CCDC170: variants seen among roughly 807,000 people sequenced by gnomAD.
CCDC170 encodes coiled-coil domain containing 170.
A neutral mutation model predicts 72.6 loss-of-function variants in CCDC170; 69 were observed. The ratio of observed to expected loss-of-function variants is 0.95; its 90% confidence interval spans 0.78 to 1.16. The LOEUF is 1.16. Among genes scored for constraint, CCDC170 ranks in the 50% most tolerant of loss-of-function variants. The probability of loss-of-function intolerance (pLI) is 0.00; values close to 1 mark genes in which losing one functional copy is unlikely to be tolerated. For synonymous variants in CCDC170, 300 were observed against 303.9 expected (o/e 0.99, Z 0.13); for missense variants, 852 against 832.5 (o/e 1.02, Z -0.29).
intron 3 of CCDC170, among the ~76,000 whole-genome samples, chr6:151,538,876 T>G (rs1052866922): frequency 3.3e-5 from 5 of 152,220 alleles, no homozygotes; most frequent in Non-Finnish European, 7.3e-5. Flanking sequence ...TACATGGTAT[T>G]TATTTTACTT....
At position 151,546,381 on chromosome 6, in the gene CCDC170, C is replaced by T. The variant is rs188856290; in HGVS notation, c.588+1665C>T. 8.5e-5 allele frequency among the ~76,000 whole-genome samples: 13 copies of T among 152,110 alleles called. 1 individual carries two copies. Among genetic ancestry groups the T allele is most frequent in the Non-Finnish European group, 1.8e-4 (12 of 68,010 alleles). The stretch of plus-strand genomic sequence containing the variant: ...AAGGGAATTCAGAAGCTGCTTCTTC[C>T]GTGACACACTTTTCTCTATCGGACA... On this transcript the variant is annotated intron_variant, in intron 4 of 10. Transcript: ENST00000239374.
At chr6:151,570,405 T>TA (rs893792593) in intron 5 of CCDC170, among the ~76,000 whole-genome samples, 2 of 151,496 alleles carry the variant, frequency 1.3e-5, no homozygotes, top group Non-Finnish European at 2.9e-5. Context: ...CAACTATAGA[T>TA]AAAAAAATAT....
At chr6:151,592,295 G>A (rs1307204269) in intron 7 of CCDC170, among the ~76,000 whole-genome samples, 1 of 152,170 alleles carries the variant, frequency 6.6e-6, no homozygotes, top group Non-Finnish European at 1.5e-5. Context: ...GGGAGGCGGA[G>A]GCTGCAGTGA....
chr6:151,562,777 G>A (rs191770918), intron 5 of CCDC170, among the ~76,000 whole-genome samples: 7 of 152,252 alleles, frequency 4.6e-5, no homozygotes, highest in Admixed American at 2.0e-4. Context: ...GTAGGCTGAT[G>A]TCCAGTGAAA....
At chr6:151,542,356 G>A (rs970336526) in intron 3 of CCDC170, among the ~76,000 whole-genome samples, 2 of 152,130 alleles carry the variant, frequency 1.3e-5, no homozygotes, top group African/African-American at 4.8e-5. Context: ...TTGTAGCTGA[G>A]ACCACAGGTG....
intron 1 of CCDC170, among the ~76,000 whole-genome samples, chr6:151,535,383 T>C (rs948928535): frequency 6.6e-5 from 10 of 152,214 alleles, no homozygotes; most frequent in African/African-American, 2.2e-4. Context: ...GACACTGCCA[T>C]CTCTCGTCTC....
In CCDC170 at chr6:151,549,680, G is replaced by A. The variant is rs1489613134; in HGVS notation, c.774+1191G>A. Among the ~76,000 whole-genome samples, 3 of 152,248 alleles carry A rather than the reference G, an allele frequency of 2.0e-5. No homozygotes were observed. In the East Asian group the frequency reaches 5.8e-4, roughly 29 times the overall value. On this transcript the variant is annotated intron_variant, in intron 5 of 10. Coordinates refer to ENST00000239374, the MANE Select transcript of CCDC170 (RefSeq NM_025059.4). ...GGCCTCAAGTGATCCTCCCACTTGG[G>A]ACTTCCAAAATGCTGGGATTACAGG...
At chr6:151,585,464 C>T (rs1776438582) in intron 6 of CCDC170, among the ~76,000 whole-genome samples, 1 of 152,130 alleles carries the variant, frequency 6.6e-6, no homozygotes, top group Non-Finnish European at 1.5e-5. Context: ...ATGTTACCTA[C>T]CAAGATTATC....
rs190259833 is a variant in CCDC170, at chr6:151,544,813, G to A, written c.588+97G>A. The A allele has an allele frequency of 1.4e-4, 171 of 1,192,440 alleles. 1 individual carries two copies. In the African/African-American group the frequency reaches 2.1e-3, roughly 15 times the overall value. 73.9% of individuals were successfully genotyped at this position (1,192,440 alleles called of 1,614,324 possible). On this transcript the variant is annotated intron_variant, in intron 4 of 10. Coordinates refer to ENST00000239374, the MANE Select transcript of CCDC170 (RefSeq NM_025059.4). ...GTGGTTGAGTTTGGGGGTGGCAGGA[G>A]AATGGCACAGTAGACCAAGTGTAGT...
chr6:151,587,318 G>T (rs983856429), intron 7 of CCDC170, among the ~76,000 whole-genome samples: 1 of 152,140 alleles, frequency 6.6e-6, no homozygotes, highest in Admixed American at 6.5e-5. Context: ...GGGGATCCTT[G>T]AGAGGAAGGG....
At chr6:151,545,064 G>A (rs964134849) in intron 4 of CCDC170, among the ~76,000 whole-genome samples, 1 of 152,116 alleles carries the variant, frequency 6.6e-6, no homozygotes, top group South Asian at 2.1e-4. Flanking sequence ...ACAAGCAGCT[G>A]CATGTCATTT....
chr6:151,580,681 C>T (rs931836502), intron 6 of CCDC170, among the ~76,000 whole-genome samples: 2 of 152,116 alleles, frequency 1.3e-5, no homozygotes, highest in African/African-American at 4.8e-5. Flanking sequence ...CAAGCACACA[C>T]ACAGAAGTGT....
At chr6:151,507,560 G>A (rs1782082535) in intron 1 of CCDC170, among the ~76,000 whole-genome samples, 1 of 152,060 alleles carries the variant, frequency 6.6e-6, no homozygotes, top group Non-Finnish European at 1.5e-5. Flanking sequence ...AGTGTATAGG[G>A]CCCACAAAAG....
At chr6:151,523,023 C>A (rs945529124) in intron 1 of CCDC170, among the ~76,000 whole-genome samples, 1 of 152,270 alleles carries the variant, frequency 6.6e-6, no homozygotes, top group African/African-American at 2.4e-5. Flanking sequence ...TGGAATGGGA[C>A]CGCTTTCCAG....
At position 151,585,997 on chromosome 6, in the gene CCDC170, T is replaced by C; in HGVS notation, c.1201T>C (p.Leu401=). Residue 401 remains leucine (L), a synonymous_variant, in exon 7 of 11, where the codon TTG becomes CTG. Coordinates refer to ENST00000239374, the MANE Select transcript of CCDC170 (RefSeq NM_025059.4). ...LQRAQKAENM[L]ETLQGQLTHL... Reference sequence around the variant, plus strand: ...GAGGGCCCAGAAAGCAGAGAATATGTTGGAGACTCTTCAGGGTCAGCTGAC... The same window carrying C: ...GAGGGCCCAGAAAGCAGAGAATATGCTGGAGACTCTTCAGGGTCAGCTGAC... The C allele has an allele frequency of 6.2e-7, 1 of 1,614,192 alleles. No homozygotes were observed. Among genetic ancestry groups the C allele is most frequent in the Non-Finnish European group, 8.5e-7 (1 of 1,180,030 alleles).
chr6:151,556,674 A>C (rs189435897), intron 5 of CCDC170, among the ~76,000 whole-genome samples: 1 of 151,360 alleles, frequency 6.6e-6, no homozygotes, highest in South Asian at 2.1e-4. Flanking sequence ...ATGTGTAAGG[A>C]TGAAGTCAAG....
intron 6 of CCDC170, among the ~76,000 whole-genome samples, chr6:151,574,421 C>T (rs1337235089): frequency 6.6e-6 from 1 of 152,066 alleles, no homozygotes; most frequent in African/African-American, 2.4e-5. Context: ...GTTTTCTTAT[C>T]TACAGAAAGG....
At chr6:151,613,087 A>G (rs1249334626) in intron 9 of CCDC170, among the ~76,000 whole-genome samples, 1 of 152,214 alleles carries the variant, frequency 6.6e-6, no homozygotes, top group Non-Finnish European at 1.5e-5. Flanking sequence ...TTATTAAGAT[A>G]CAGTTGATAT....
In CCDC170 at chr6:151,494,095, C is replaced by T. The variant is rs1582996027; in HGVS notation, c.-34C>T. On this transcript the variant is annotated 5_prime_UTR_variant, in exon 1 of 11. Transcript: ENST00000239374. ...CGCCGCCGCTTCCTCAGGGCCGGTT[C>T]CGGGTCCGAGCGCGCCCCCGGGCTC... is the stretch of plus-strand genomic sequence containing the variant. 1.3e-6 allele frequency: 2 copies of T among 1,488,820 alleles called. No homozygotes were observed. The highest frequency in any genetic ancestry group is 5.9e-5 in the East Asian group (2 of 34,160). The allele number at this position is 1,488,820 out of a possible 1,614,324, so 92.2% of individuals were successfully genotyped here. A position where few individuals can be genotyped will look rare whatever the true frequency, so the allele number is the denominator to read the frequency against.
Sources: allele counts gnomAD v4.1 joint callset (sites outside exome capture counted in the v4.1 genomes callset), GRCh38; gene constraint gnomAD v4.1.1; transcripts MANE v1.5; gene names NCBI Gene and HGNC (gene_info 2026-07-23, HGNC 2026-07-21).